Variants in WDFY3 observed in about 807,000 individuals in gnomAD.
WDFY3 encodes the protein WD repeat and FYVE domain containing 3, also known as WD repeat and FYVE domain-containing protein 3.
Under a neutral mutation model 409.6 loss-of-function variants are expected in WDFY3, and 66 were observed. That is an observed-to-expected ratio of 0.16 (90% CI 0.13 to 0.20). WDFY3 has a LOEUF of 0.20. Ranked by LOEUF, WDFY3 falls within the 10% of genes least tolerant of loss-of-function variation. The pLI, the probability that WDFY3 is intolerant of heterozygous loss-of-function variation, is 1.00. For synonymous variants in WDFY3, 1,521 were observed against 1,537.1 expected (o/e 0.99, Z 0.25); for missense variants, 3,031 against 4,298.1 (o/e 0.71, Z 8.24).
chr4:84,725,684 A>T (rs1328716665), intron 45 of WDFY3, among the ~76,000 whole-genome samples: 1 of 152,180 alleles, frequency 6.6e-6, no homozygotes, highest in African/African-American at 2.4e-5. Context: ...ATATAATTTT[A>T]AAAATTTTAC....
chr4:84,817,707 T>C lies in WDFY3; in HGVS notation c.1694-122A>G, dbSNP rs992102852. On this transcript the variant is annotated intron_variant, in intron 12 of 67. Coordinates refer to ENST00000295888, the MANE Select transcript of WDFY3 (RefSeq NM_014991.6). The stretch of plus-strand genomic sequence containing the variant: ...AACTCATAATAATGTAAATAAAACC[T>C]ACCCAACTATTTCACCTTTTAAATT... 4 of 888,684 alleles carry C rather than the reference T, an allele frequency of 4.5e-6. No individual in the cohort carries two copies. In the African/African-American group the frequency reaches 5.2e-5, roughly 12 times the overall value. 55.0% of individuals were successfully genotyped at this position (888,684 alleles called of 1,614,324 possible).
rs569418659 is a variant in WDFY3, at chr4:84,874,140, G to A, written c.-31-13518C>T. Among the ~76,000 whole-genome samples the A allele has an allele frequency of 4.0e-5, 6 of 151,794 alleles. No homozygotes were observed. In the South Asian group the frequency reaches 1.3e-3, roughly 32 times the overall value. ...CTGATAAACCAAGCAGAGACCGGGCGAGGTGGCTCACACCTGTAATCCCAG... is the reference window on the plus strand; with the variant it reads ...CTGATAAACCAAGCAGAGACCGGGCAAGGTGGCTCACACCTGTAATCCCAG... On this transcript the variant is annotated intron_variant, in intron 3 of 67. Coordinates refer to ENST00000295888, the MANE Select transcript of WDFY3 (RefSeq NM_014991.6).
At position 84,670,804 on chromosome 4, in the gene WDFY3, A is replaced by G. The variant is rs1052629677; in HGVS notation, c.*2064T>C. 3.3e-5 allele frequency: 5 copies of G among 152,586 alleles called. No homozygotes were observed. In the East Asian group the frequency reaches 5.8e-4, roughly 18 times the overall value. The allele number at this position is 152,586 out of a possible 1,614,324, so 9.5% of individuals were successfully genotyped here. On this transcript the variant is annotated 3_prime_UTR_variant, in exon 68 of 68. Coordinates refer to ENST00000295888, the MANE Select transcript of WDFY3 (RefSeq NM_014991.6). ...CCAGACAGGGGCAAGGCCCACAGTTACATAATAGCACAATTTCTGCAACTG... is the reference window on the plus strand; with the variant it reads ...CCAGACAGGGGCAAGGCCCACAGTTGCATAATAGCACAATTTCTGCAACTG...
At chr4:84,898,256 TGGG>T (rs1233614889) in intron 2 of WDFY3, among the ~76,000 whole-genome samples, 1 of 152,176 alleles carries the variant, frequency 6.6e-6, no homozygotes, top group African/African-American at 2.4e-5. Flanking sequence ...AATGCTGGCT[TGGG>T]GGTAAATGAA....
chr4:84,893,699 A>G (rs1765227607), intron 3 of WDFY3, among the ~76,000 whole-genome samples: 1 of 152,226 alleles, frequency 6.6e-6, no homozygotes, highest in South Asian at 2.1e-4. Flanking sequence ...TATTGTTTAA[A>G]AAATAGGCTG....
intron 7 of WDFY3, 24 bp from the exon 8 acceptor site, chr4:84,831,629 CAA>C (rs746069854): frequency 7.6e-6 from 12 of 1,580,028 alleles, no homozygotes; most frequent in African/African-American, 2.7e-5. Context: ...CAAAACAAAA[CAA>C]GAGTGTATAA....
chr4:84,848,310 C>T (rs532198414), intron 5 of WDFY3, among the ~76,000 whole-genome samples: 135 of 151,788 alleles, frequency 8.9e-4, no homozygotes, highest in African/African-American at 3.0e-3. Context: ...ACGTAGCTTT[C>T]GATTTCTCAA....
At chr4:84,723,800 G>T (rs1381717914) in intron 46 of WDFY3, among the ~76,000 whole-genome samples, 2 of 152,168 alleles carry the variant, frequency 1.3e-5, no homozygotes, top group African/African-American at 4.8e-5. Flanking sequence ...GTTTAAGACT[G>T]AGTAGGATGT....
chr4:84,738,103 T>C (rs560962351), intron 40 of WDFY3, among the ~76,000 whole-genome samples: 2 of 152,128 alleles, frequency 1.3e-5, no homozygotes, highest in Non-Finnish European at 2.9e-5. Context: ...CATGTTTAAA[T>C]GAAGGAATGA....
At position 84,726,875 on chromosome 4, in the gene WDFY3, C is replaced by T. The variant is rs2092930968; in HGVS notation, c.7258G>A (p.Asp2420Asn). The change falls in exon 45 of 68, where the codon GAT becomes AAT. Residue 2420 changes from aspartate to asparagine, a missense_variant. This residue lies in a region of WDFY3 where 127 missense variants were observed against 144.4 expected (regional missense o/e 0.88). Transcript: ENST00000295888. Reference sequence around the variant, plus strand: ...TTGTGTTTTACCTTTTGAGGAATATCATCGGGTGTCTCAGGCTGTTTACTT... The same window carrying T: ...TTGTGTTTTACCTTTTGAGGAATATTATCGGGTGTCTCAGGCTGTTTACTT... ...IPSKQPETPD[D>N]IPQKKPARYR... 1.0e-5 allele frequency: 16 copies of T among 1,607,708 alleles called. 1 individual carries two copies. Among genetic ancestry groups the T allele is most frequent in the Non-Finnish European group, 1.3e-5 (15 of 1,178,090 alleles).
intron 1 of WDFY3, among the ~76,000 whole-genome samples, chr4:84,959,903 A>G (rs1774706488): frequency 1.3e-5 from 2 of 152,238 alleles, no homozygotes; most frequent in South Asian, 4.1e-4. Context: ...ATTAGCCTAA[A>G]TGTTAAAAAA....
At chr4:84,785,565 C>T (rs1254402944) in intron 24 of WDFY3, among the ~76,000 whole-genome samples, 1 of 152,136 alleles carries the variant, frequency 6.6e-6, no homozygotes, top group Admixed American at 6.6e-5. Context: ...TATCATCTGT[C>T]TTTTCCACTA....
chr4:84,858,855 A>C (rs1258495952), intron 4 of WDFY3, among the ~76,000 whole-genome samples: 2 of 151,986 alleles, frequency 1.3e-5, no homozygotes, highest in East Asian at 1.9e-4. Flanking sequence ...GGAGAAGAAA[A>C]AGAGACAGGG....
At chr4:84,771,497 T>C (rs935114173) in intron 30 of WDFY3, among the ~76,000 whole-genome samples, 1 of 152,204 alleles carries the variant, frequency 6.6e-6, no homozygotes, top group African/African-American at 2.4e-5. Context: ...TTAAAGCACT[T>C]TCACTACCTA....
chr4:84,857,434 C>A (rs1759917779), intron 4 of WDFY3, among the ~76,000 whole-genome samples: 1 of 152,108 alleles, frequency 6.6e-6, no homozygotes, highest in African/African-American at 2.4e-5. Flanking sequence ...AGAACAATTC[C>A]CCTAACTGCT....
intron 3 of WDFY3, among the ~76,000 whole-genome samples, chr4:84,872,812 C>T (rs77703284): frequency 6.6e-6 from 1 of 152,046 alleles, no homozygotes; most frequent in East Asian, 1.9e-4. Flanking sequence ...TAACTCTAAT[C>T]AAAGGAAAGC....
At chr4:84,893,628 T>C (rs1765218278) in intron 3 of WDFY3, among the ~76,000 whole-genome samples, 1 of 152,226 alleles carries the variant, frequency 6.6e-6, no homozygotes, top group Admixed American at 6.5e-5. Context: ...TTTCAATATC[T>C]AGATTTTCCT....
chr4:84,936,311 A>C (rs1771403535), intron 1 of WDFY3, among the ~76,000 whole-genome samples: 1 of 152,126 alleles, frequency 6.6e-6, no homozygotes, highest in African/African-American at 2.4e-5. Context: ...ACTTGAGAAC[A>C]GCAGTTTGAT....
chr4:84,952,100 A>G (rs966197087), intron 1 of WDFY3, among the ~76,000 whole-genome samples: 2 of 152,184 alleles, frequency 1.3e-5, no homozygotes, highest in Non-Finnish European at 2.9e-5. Context: ...GCCCTGCTCC[A>G]ACCACACAAA....
Sources: allele counts gnomAD v4.1 joint callset (sites outside exome capture counted in the v4.1 genomes callset), GRCh38; gene constraint gnomAD v4.1.1; regional missense constraint gnomAD v4.1.1; transcripts MANE v1.5; gene names NCBI Gene and HGNC (gene_info 2026-07-23, HGNC 2026-07-21).